The following VAPA variants were observed in gnomAD, a reference collection of about 807,000 sequenced individuals.
The protein encoded by VAPA is vesicle-associated membrane protein-associated protein A.
A neutral mutation model predicts 25.6 loss-of-function variants in VAPA; 6 were observed. The ratio of observed to expected loss-of-function variants is 0.23; its 90% confidence interval spans 0.13 to 0.46. VAPA has a LOEUF of 0.46. VAPA is among the 20% of genes least tolerant of loss of function. The pLI is 0.99. For synonymous variants in VAPA, 112 were observed against 106.2 expected, an observed-to-expected ratio of 1.05 and a Z score of -0.34; for missense variants, 244 against 302.1, an observed-to-expected ratio of 0.81 and a Z score of 1.43.
intron 1 of VAPA, among the ~76,000 whole-genome samples, chr18:9,919,445 C>G (rs1322023910): frequency 6.6e-6 from 1 of 152,100 alleles, no homozygotes; most frequent in Non-Finnish European, 1.5e-5. Context: ...TTTCATGGGG[C>G]AGTTCTAACA....
intron 4 of VAPA, among the ~76,000 whole-genome samples, chr18:9,943,840 C>CTTTTTTT (rs1281083775): frequency 2.2e-5 from 2 of 90,446 alleles, no homozygotes; most frequent in Admixed American, 1.3e-4. Flanking sequence ...GACATATTTC[C>CTTTTTTT]CTTTTTTTTT....
At chr18:9,931,639 TTTTTA>T in intron 1 of VAPA, 166 bp from the exon 2 acceptor site, 1 of 501,358 alleles carries the variant, frequency 2.0e-6, no homozygotes, top group Non-Finnish European at 3.4e-6. Context: ...ATATGACTTG[TTTTTA>T]AGTCTGCCAC....
intron 4 of VAPA, among the ~76,000 whole-genome samples, chr18:9,939,470 T>C (rs1444678769): frequency 6.6e-6 from 1 of 152,040 alleles, no homozygotes; most frequent in Non-Finnish European, 1.5e-5. Context: ...CAAATACTTC[T>C]ATTGGATGAT....
intron 4 of VAPA, among the ~76,000 whole-genome samples, chr18:9,947,179 G>A (rs987465023): frequency 1.3e-5 from 2 of 150,624 alleles, no homozygotes; most frequent in African/African-American, 2.5e-5. Context: ...TTTTGTTTTC[G>A]TAAGTAGAAG....
intron 4 of VAPA, chr18:9,948,872 C>CT (rs966208318): frequency 6.6e-6 from 1 of 152,196 alleles, no homozygotes; most frequent in African/African-American, 2.4e-5. Context: ...GCTTCATCCT[C>CT]TTTAAGTTTT....
chr18:9,939,363 C>A (rs944006753), intron 4 of VAPA, among the ~76,000 whole-genome samples: 2 of 151,926 alleles, frequency 1.3e-5, no homozygotes, highest in Admixed American at 1.3e-4. Flanking sequence ...GGGATTTTGC[C>A]AGGTTGGTCT....
intron 1 of VAPA, among the ~76,000 whole-genome samples, chr18:9,920,869 C>G (rs1474298452): frequency 1.3e-5 from 2 of 152,208 alleles, no homozygotes; most frequent in Non-Finnish European, 2.9e-5. Flanking sequence ...ATATTGTCCT[C>G]CCTCACGTCT....
chr18:9,926,736 G>C (rs2069203248), intron 1 of VAPA, among the ~76,000 whole-genome samples: 1 of 152,090 alleles, frequency 6.6e-6, no homozygotes, highest in Admixed American at 6.6e-5. Flanking sequence ...TGTTCCAGTA[G>C]AAGACCTTAT....
rs896126664 is a variant in VAPA, at chr18:9,956,684, TTGAC to T, written c.*2477_*2480del. 2.6e-5 allele frequency: 4 copies of T among 152,700 alleles called. No individual in the cohort carries two copies. Among genetic ancestry groups the T allele is most frequent in the African/African-American group, 9.6e-5 (4 of 41,472 alleles). The allele number at this position is 152,700 out of a possible 1,614,324, so 9.5% of individuals were successfully genotyped here. On this transcript the variant is annotated 3_prime_UTR_variant, in exon 6 of 6. Coordinates refer to ENST00000400000, the MANE Select transcript of VAPA (RefSeq NM_194434.3). Reference sequence around the variant, plus strand: ...TAGTTTGAAAGTCCAACTGTATTAATTGACTGATAATATGATAATATAGAGATTA... The same window carrying T: ...TAGTTTGAAAGTCCAACTGTATTAATTGATAATATGATAATATAGAGATTA...
intron 1 of VAPA, chr18:9,914,940 G>A (rs898840551): frequency 2.8e-4 from 43 of 152,600 alleles, no homozygotes; most frequent in African/African-American, 9.9e-4. Flanking sequence ...GTTCCGCGGA[G>A]GGCGTCGCTT....
Position 9,914,179 on chromosome 18 carries a change from C to A in VAPA, c.-78C>A. 1 of 1,328,858 alleles carries A rather than the reference C, an allele frequency of 7.5e-7. No homozygotes were observed. The highest frequency in any genetic ancestry group is 1.0e-6 in the Non-Finnish European group (1 of 970,326). 82.3% of individuals were successfully genotyped at this position (1,328,858 alleles called of 1,614,324 possible). A position where few individuals can be genotyped will look rare whatever the true frequency, so the allele number is the denominator to read the frequency against. ...GGCCTCGTCCTAGAGCTCGGCCGAG[C>A]CGTCGCCGCCGTCGTCCCCCGCCCC... On this transcript the variant is annotated 5_prime_UTR_variant, in exon 1 of 6. Coordinates refer to ENST00000400000, the MANE Select transcript of VAPA (RefSeq NM_194434.3).
chr18:9,936,737 G>T (rs899595605), intron 3 of VAPA: 10 of 200,764 alleles, frequency 5.0e-5, no homozygotes, highest in African/African-American at 1.3e-4. Flanking sequence ...AGAAAGAAAT[G>T]CTAAGAAGAA....
At chr18:9,943,163 G>A (rs1258948858) in intron 4 of VAPA, among the ~76,000 whole-genome samples, 1 of 152,176 alleles carries the variant, frequency 6.6e-6, no homozygotes, top group African/African-American at 2.4e-5. Context: ...AGCTTTAGAA[G>A]CACAGTGGCT....
intron 4 of VAPA, among the ~76,000 whole-genome samples, chr18:9,944,618 TA>T (rs1390680210): frequency 5.9e-5 from 9 of 152,214 alleles, no homozygotes; most frequent in Non-Finnish European, 1.2e-4. Flanking sequence ...CACAAAGAAT[TA>T]GATGGTATTC....
chr18:9,923,773 A>G (rs2069176664), intron 1 of VAPA: 1 of 152,156 alleles, frequency 6.6e-6, no homozygotes, highest in East Asian at 1.9e-4. Context: ...GTGGTTCTGA[A>G]TTTTTTCAGT....
At chr18:9,947,222 A>AAC (rs55832208) in intron 4 of VAPA, among the ~76,000 whole-genome samples, 151,929 of 152,342 alleles carry the variant, frequency 1, 75,761 homozygotes, top group Middle Eastern at 1. Flanking sequence ...TAAAAAGCAT[A>AAC]ACAGTAAATA....
At chr18:9,924,674 T>C (rs557158558) in intron 1 of VAPA, among the ~76,000 whole-genome samples, 4 of 152,324 alleles carry the variant, frequency 2.6e-5, no homozygotes, top group Non-Finnish European at 5.9e-5. Context: ...CTCCCATCTT[T>C]ACCACCGGGT....
At chr18:9,936,852 A>T in intron 3 of VAPA, 134 bp from the exon 4 acceptor site, 1 of 622,884 alleles carries the variant, frequency 1.6e-6, no homozygotes, top group Non-Finnish European at 2.9e-6. Context: ...TGGCAGGGTG[A>T]TCAATAAAGA....
intron 4 of VAPA, among the ~76,000 whole-genome samples, chr18:9,946,214 T>C (rs515755): frequency 0.54 from 82,105 of 152,032 alleles, 23,017 homozygotes; most frequent in African/African-American, 0.67. Flanking sequence ...TTGAGAAATG[T>C]GTTGTTAGGT....
Sources: gnomAD v4.1 joint callset for allele counts (sites outside exome capture counted in the v4.1 genomes callset) on GRCh38, gnomAD v4.1.1 for gene constraint, MANE v1.5 for transcripts, NCBI Gene and HGNC (gene_info 2026-07-23, HGNC 2026-07-21) for gene names.